The following CELF4 variants were observed in gnomAD, a reference collection of about 807,000 sequenced individuals.
CELF4 encodes the protein CUG-BP- and ETR-3-like factor 4.
In CELF4, 18 loss-of-function variants were observed where a neutral mutation model predicts 59.9. That is an observed-to-expected ratio of 0.30 (90% CI 0.21 to 0.45). The LOEUF is 0.45. CELF4 is among the 20% of genes least tolerant of loss of function. The pLI is 1.00. For synonymous variants in CELF4, 261 were observed against 267.1 expected (o/e 0.98, Z 0.22); for missense variants, 456 against 689.0 (o/e 0.66, Z 3.79).
At chr18:37,281,014 G>T (rs975665585) in intron 3 of CELF4, among the ~76,000 whole-genome samples, 1 of 152,232 alleles carries the variant, frequency 6.6e-6, no homozygotes, top group Non-Finnish European at 1.5e-5. Context: ...CCCTCCATGA[G>T]GGAGACAAAA....
chr18:37,521,888 A>G (rs1223340456), intron 1 of CELF4, among the ~76,000 whole-genome samples: 1 of 152,196 alleles, frequency 6.6e-6, no homozygotes, highest in Non-Finnish European at 1.5e-5. Context: ...AGGCACAGAA[A>G]AATCCAGCTT....
intron 3 of CELF4, among the ~76,000 whole-genome samples, chr18:37,278,048 T>C (rs145085797): frequency 6.6e-6 from 1 of 152,380 alleles, no homozygotes; most frequent in East Asian, 1.9e-4. Flanking sequence ...TTCATCCACA[T>C]GTGCCTTTCT....
chr18:37,479,195 G>A (rs371028243), intron 2 of CELF4, among the ~76,000 whole-genome samples: 16 of 152,340 alleles, frequency 1.1e-4, no homozygotes, highest in African/African-American at 3.8e-4. Flanking sequence ...CCTACCCGGT[G>A]CTCACACCAT....
At chr18:37,502,984 C>A (rs1483313758) in intron 1 of CELF4, among the ~76,000 whole-genome samples, 1 of 152,234 alleles carries the variant, frequency 6.6e-6, no homozygotes, top group Admixed American at 6.5e-5. Flanking sequence ...AGGGACAGAG[C>A]CTCACAGTAC....
intron 1 of CELF4, among the ~76,000 whole-genome samples, chr18:37,533,699 G>A (rs532991017): frequency 5.3e-5 from 8 of 152,262 alleles, no homozygotes; most frequent in African/African-American, 1.9e-4. Context: ...TCACTATTTC[G>A]GGAGCAGCTA....
At chr18:37,338,647 T>C (rs938209511) in intron 2 of CELF4, among the ~76,000 whole-genome samples, 1 of 152,088 alleles carries the variant, frequency 6.6e-6, no homozygotes, top group African/African-American at 2.4e-5. Flanking sequence ...CGTGATGTCA[T>C]GGGAACAGCA....
intron 2 of CELF4, among the ~76,000 whole-genome samples, chr18:37,452,951 T>C (rs892076364): frequency 2.6e-5 from 4 of 152,148 alleles, no homozygotes; most frequent in Non-Finnish European, 5.9e-5. Flanking sequence ...CACTGCTCCA[T>C]GCAAAAGTCT....
rs79452398 is a variant in CELF4, at chr18:37,498,761, C to T, written c.287-13154G>A. On this transcript the variant is annotated intron_variant, in intron 1 of 12. Transcript: ENST00000420428. Reference sequence around the variant, plus strand: ...GCCATCCGCAGGGTGTCTGGAGTTCCGGGAGAGGGTTGCACCTGGCCTGGG... The same window carrying T: ...GCCATCCGCAGGGTGTCTGGAGTTCTGGGAGAGGGTTGCACCTGGCCTGGG... Among the ~76,000 whole-genome samples, 40 of 152,088 alleles carry T rather than the reference C, an allele frequency of 2.6e-4. 1 individual carries two copies. In the East Asian group the frequency reaches 6.8e-3, roughly 26 times the overall value.
At position 37,289,519 on chromosome 18, in the gene CELF4, G is replaced by A. The variant is rs571606517; in HGVS notation, c.449-14276C>T. ...GTGAAGGAAGCAGGTGAAGGCCCCC[G>A]CTTGCTAGCTAGTACGCCCCAGCTC... On this transcript the variant is annotated intron_variant, in intron 3 of 12. Coordinates refer to ENST00000420428, the MANE Select transcript of CELF4 (RefSeq NM_020180.4). 4.8e-4 allele frequency among the ~76,000 whole-genome samples: 73 copies of A among 152,112 alleles called. 1 individual carries two copies. The highest frequency in any genetic ancestry group is 1.6e-3 in the African/African-American group (68 of 41,506).
chr18:37,563,901 G>A (rs1165794979), intron 1 of CELF4, among the ~76,000 whole-genome samples: 10 of 152,160 alleles, frequency 6.6e-5, no homozygotes, highest in Non-Finnish European at 1.3e-4. Context: ...TTTAGTATTC[G>A]AACGAAGGGA....
In CELF4 at chr18:37,376,039, T is replaced by C. The variant is rs188439951; in HGVS notation, c.370-54158A>G. Among the ~76,000 whole-genome samples the C allele has an allele frequency of 7.2e-5, 11 of 152,324 alleles. No individual in the cohort carries two copies. The East Asian group carries it at 2.1e-3, about 29-fold the overall frequency. On this transcript the variant is annotated intron_variant, in intron 2 of 12. Coordinates refer to ENST00000420428, the MANE Select transcript of CELF4 (RefSeq NM_020180.4). ...GTTAATTGCAATGGAAAGTAATCAA[T>C]TTCTTTTACTGAGCACAGGCTCCTG...
At chr18:37,517,646 G>A (rs1677357246) in intron 1 of CELF4, among the ~76,000 whole-genome samples, 1 of 152,176 alleles carries the variant, frequency 6.6e-6, no homozygotes, top group Admixed American at 6.5e-5. Context: ...CATCAGCGTG[G>A]CTGTGGCACC....
At chr18:37,529,512 A>G (rs1221352266) in intron 1 of CELF4, among the ~76,000 whole-genome samples, 1 of 152,206 alleles carries the variant, frequency 6.6e-6, no homozygotes, top group Admixed American at 6.5e-5. Flanking sequence ...ACCAGCTCCC[A>G]AATGGAGGAA....
chr18:37,488,861 T>C (rs375855164), intron 1 of CELF4, among the ~76,000 whole-genome samples: 1 of 152,286 alleles, frequency 6.6e-6, no homozygotes, highest in African/African-American at 2.4e-5. Flanking sequence ...AAGGAAGCAG[T>C]GAGAGAAGCC....
chr18:37,446,000 C>T lies in CELF4; in HGVS notation c.369+39525G>A, dbSNP rs11662335. Reference sequence around the variant, plus strand: ...GGCAGGTATTAATATCTCCACCTTACAGAGAATGAGAAGGAGGCTCAGAGT... The same window carrying T: ...GGCAGGTATTAATATCTCCACCTTATAGAGAATGAGAAGGAGGCTCAGAGT... On this transcript the variant is annotated intron_variant, in intron 2 of 12. Coordinates refer to ENST00000420428, the MANE Select transcript of CELF4 (RefSeq NM_020180.4). Among the ~76,000 whole-genome samples, 1,286 of 152,306 alleles carry T rather than the reference C, an allele frequency of 8.4e-3. 23 individuals carry two copies. Among genetic ancestry groups the T allele is most frequent in the Non-Finnish European group, 7.6e-3 (514 of 68,024 alleles).
At chr18:37,249,112 G>A (rs2063839446) in intron 12 of CELF4, among the ~76,000 whole-genome samples, 1 of 152,104 alleles carries the variant, frequency 6.6e-6, no homozygotes, top group Non-Finnish European at 1.5e-5. Context: ...ACCAGGGCTG[G>A]GTTCTTTGCT....
At chr18:37,353,218 C>T (rs1262626247) in intron 2 of CELF4, among the ~76,000 whole-genome samples, 1 of 8,786 alleles carries the variant, frequency 1.1e-4, no homozygotes, top group Non-Finnish European at 2.1e-4. Context: ...GAGACTCCGT[C>T]TCAAAAAAAA....
intron 10 of CELF4, among the ~76,000 whole-genome samples, chr18:37,261,376 A>G (rs996617773): frequency 3.9e-5 from 6 of 152,104 alleles, no homozygotes; most frequent in African/African-American, 1.2e-4. Context: ...TGGAAGCTAC[A>G]TCTGTTCTCC....
intron 2 of CELF4, among the ~76,000 whole-genome samples, chr18:37,359,638 C>T (rs2098668090): frequency 6.6e-6 from 1 of 152,104 alleles, no homozygotes; most frequent in South Asian, 2.1e-4. Flanking sequence ...CCTCTGTGCT[C>T]GGGAAGTTGT....
Sources: gnomAD v4.1 joint callset for allele counts (sites outside exome capture counted in the v4.1 genomes callset) on GRCh38, gnomAD v4.1.1 for gene constraint, MANE v1.5 for transcripts, NCBI Gene and HGNC (gene_info 2026-07-23, HGNC 2026-07-21) for gene names.